GRK5: variants seen among roughly 807,000 people sequenced by gnomAD.
The protein encoded by GRK5 is G protein-coupled receptor kinase 5.
Under a neutral mutation model 78.4 loss-of-function variants are expected in GRK5, and 40 were observed. That is an observed-to-expected ratio of 0.51 (90% CI 0.40 to 0.66). The LOEUF (loss-of-function observed/expected upper bound fraction) is 0.66. Ranked by LOEUF, GRK5 falls within the 30% of genes least tolerant of loss-of-function variation. The pLI is 0.00. For missense variants in GRK5, 598 were observed against 759.9 expected (o/e 0.79, Z 2.50); for synonymous variants, 289 against 296.8 (o/e 0.97, Z 0.27).
At chr10:119,436,568 C>G (rs1852923622) in intron 8 of GRK5, 83 bp from the exon 9 acceptor site, 1 of 1,386,256 alleles carries the variant, frequency 7.2e-7, no homozygotes, top group African/African-American at 1.4e-5. Flanking sequence ...CCTCACACCC[C>G]AGCTCCCAGG....
intron 1 of GRK5, among the ~76,000 whole-genome samples, chr10:119,249,888 A>G (rs1244225286): frequency 2.6e-5 from 4 of 152,238 alleles, no homozygotes; most frequent in African/African-American, 9.6e-5. Context: ...CACGTGTGCA[A>G]GGATGTCACA....
intron 1 of GRK5, among the ~76,000 whole-genome samples, chr10:119,297,268 G>T (rs1039921073): frequency 2.6e-5 from 4 of 152,178 alleles, no homozygotes; most frequent in African/African-American, 9.7e-5. Context: ...CTGTAGTGTT[G>T]GCCTAGAACA....
intron 2 of GRK5, among the ~76,000 whole-genome samples, chr10:119,353,113 G>A (rs1025648377): frequency 1.4e-4 from 21 of 152,216 alleles, no homozygotes; most frequent in Non-Finnish European, 3.1e-4. Context: ...TCTTGTTCAT[G>A]TGAAGAAGCC....
intron 4 of GRK5, among the ~76,000 whole-genome samples, chr10:119,418,110 A>C (rs1852499735): frequency 6.6e-6 from 1 of 152,226 alleles, no homozygotes; most frequent in African/African-American, 2.4e-5. Flanking sequence ...AATAGCAGGC[A>C]GCCTTGGCTC....
At chr10:119,300,182 G>T (rs551902113) in intron 1 of GRK5, among the ~76,000 whole-genome samples, 1 of 152,320 alleles carries the variant, frequency 6.6e-6, no homozygotes, top group African/African-American at 2.4e-5. Flanking sequence ...CCTGGGTGCC[G>T]CTGTGCCACA....
At chr10:119,296,674 G>A (rs1341659216) in intron 1 of GRK5, among the ~76,000 whole-genome samples, 1 of 152,202 alleles carries the variant, frequency 6.6e-6, no homozygotes, top group Non-Finnish European at 1.5e-5. Context: ...ACTCTGATGA[G>A]CGTCTCTCAT....
In GRK5 at chr10:119,253,973, C is replaced by A. The variant is rs1461446319; in HGVS notation, c.52+46004C>A. On this transcript the variant is annotated intron_variant, in intron 1 of 15. Transcript: ENST00000392870. This position sits in a 1 kb window ranked among gnomAD's most constrained non-coding sequence, Gnocchi z 5.7. ...TTCCCCAGGGGAAAAGGAGAAAGTA[C>A]AGAAAGCCGTGACACCTGATGGAAA... 6.6e-6 allele frequency among the ~76,000 whole-genome samples: 1 copy of A among 152,108 alleles called. No homozygotes were observed. The highest frequency in any genetic ancestry group is 2.4e-5 in the African/African-American group (1 of 41,410).
chr10:119,212,921 C>A (rs558689505), intron 1 of GRK5: 1 of 152,174 alleles, frequency 6.6e-6, no homozygotes, highest in Non-Finnish European at 1.5e-5. Flanking sequence ...TCATTTGAGC[C>A]CAGGAGTACT....
chr10:119,249,697 C>T (rs1473620693), intron 1 of GRK5, among the ~76,000 whole-genome samples: 1 of 152,154 alleles, frequency 6.6e-6, no homozygotes, highest in Admixed American at 6.5e-5. Context: ...GATGGGGTTT[C>T]ATCATGTTGG....
chr10:119,230,997 G>A (rs935838159), intron 1 of GRK5, among the ~76,000 whole-genome samples: 3 of 152,094 alleles, frequency 2.0e-5, no homozygotes, highest in South Asian at 2.1e-4. Context: ...GCAAAAAAGA[G>A]GGAGAGGGGT....
intron 2 of GRK5, among the ~76,000 whole-genome samples, chr10:119,332,145 C>T (rs1469698557): frequency 6.9e-6 from 1 of 144,578 alleles, no homozygotes; most frequent in African/African-American, 2.6e-5. Flanking sequence ...TTGACTCTGT[C>T]GCTCAGGCTA....
At chr10:119,363,885 C>T (rs1316681189) in intron 2 of GRK5, among the ~76,000 whole-genome samples, 4 of 152,186 alleles carry the variant, frequency 2.6e-5, no homozygotes, top group African/African-American at 9.7e-5. Context: ...CTATAGAAAA[C>T]ATGATGAACA....
intron 1 of GRK5, among the ~76,000 whole-genome samples, chr10:119,219,423 G>A (rs1269203506): frequency 6.6e-6 from 1 of 152,214 alleles, no homozygotes; most frequent in East Asian, 1.9e-4. Flanking sequence ...TGGGATGCTC[G>A]ACCAGTATAA....
At chr10:119,219,266 T>A (rs1848626203) in intron 1 of GRK5, among the ~76,000 whole-genome samples, 1 of 152,116 alleles carries the variant, frequency 6.6e-6, no homozygotes, top group Admixed American at 6.5e-5. Context: ...TGGAGTGCAG[T>A]GGCACCATCA....
chr10:119,344,331 TC>T (rs1851038843), intron 2 of GRK5, among the ~76,000 whole-genome samples: 1 of 152,106 alleles, frequency 6.6e-6, no homozygotes, highest in African/African-American at 2.4e-5. Context: ...CCTCCCCGCT[TC>T]CCCCACCCCA....
chr10:119,330,947 G>A (rs1298388763), intron 2 of GRK5, among the ~76,000 whole-genome samples: 26 of 152,138 alleles, frequency 1.7e-4, no homozygotes, highest in Admixed American at 1.7e-3. Flanking sequence ...CTTCAACTTG[G>A]GAGGCGGAGG....
At chr10:119,291,882 C>T (rs1849970154) in intron 1 of GRK5, among the ~76,000 whole-genome samples, 4 of 150,326 alleles carry the variant, frequency 2.7e-5, no homozygotes, top group Non-Finnish European at 5.9e-5. Flanking sequence ...CATCCTCCTC[C>T]TCCTTCTGCT....
chr10:119,412,663 T>G lies in GRK5; in HGVS notation c.340-10503T>G, dbSNP rs1240461586. ...GCTTTTCCACATGGCCCTGAAGGTT[T>G]TGATTAAAAAGGTGGAAGAATGGTG... On this transcript the variant is annotated intron_variant, in intron 4 of 15. Coordinates refer to ENST00000392870, the MANE Select transcript of GRK5 (RefSeq NM_005308.3). The surrounding 1 kb of genome is among the most constrained non-coding windows in gnomAD (Gnocchi z 4.3). 6.6e-6 allele frequency among the ~76,000 whole-genome samples: 1 copy of G among 152,192 alleles called. No homozygotes were observed. Among genetic ancestry groups the G allele is most frequent in the Non-Finnish European group, 1.5e-5 (1 of 68,026 alleles).
At chr10:119,209,907 C>A (rs996873732) in intron 1 of GRK5, among the ~76,000 whole-genome samples, 3 of 152,144 alleles carry the variant, frequency 2.0e-5, no homozygotes, top group African/African-American at 7.2e-5. Flanking sequence ...TAATGCTTTG[C>A]TTAGAGTGGG....
Sources: gnomAD v4.1 joint callset for allele counts (sites outside exome capture counted in the v4.1 genomes callset) on GRCh38, gnomAD v4.1.1 for gene constraint, Gnocchi (gnomAD v3.1) non-coding constraint, MANE v1.5 for transcripts, NCBI Gene and HGNC (gene_info 2026-07-23, HGNC 2026-07-21) for gene names.